Variants in ACSBG1 observed in about 807,000 individuals in gnomAD.
ACSBG1 encodes acyl-CoA synthetase bubblegum family member 1.
In ACSBG1, 39 loss-of-function variants were observed where a neutral mutation model predicts 80.2. The ratio of observed to expected loss-of-function variants is 0.49; its 90% confidence interval spans 0.38 to 0.64. ACSBG1 has a LOEUF of 0.64. Among genes scored for constraint, ACSBG1 ranks in the 30% least tolerant of loss-of-function variants. The pLI is 0.00. For missense variants in ACSBG1, 828 were observed against 966.4 expected (o/e 0.86, Z 1.90); for synonymous variants, 392 against 379.5 (o/e 1.03, Z -0.38).
chr15:78,187,996 T>C (rs1218307163), intron 5 of ACSBG1, among the ~76,000 whole-genome samples: 1 of 152,122 alleles, frequency 6.6e-6, no homozygotes, highest in Non-Finnish European at 1.5e-5. Flanking sequence ...ACAAAATCAA[T>C]GTACAAAAAT....
At chr15:78,203,873 C>G (rs915101255) in intron 2 of ACSBG1, among the ~76,000 whole-genome samples, 1 of 152,162 alleles carries the variant, frequency 6.6e-6, no homozygotes, top group Non-Finnish European at 1.5e-5. Context: ...ACCCCAGAGG[C>G]CCTCCTCCAA....
In ACSBG1 at chr15:78,179,676, G is replaced by A; in HGVS notation, c.1358C>T (p.Ala453Val). 1 of 1,614,200 alleles carries A rather than the reference G, an allele frequency of 6.2e-7. No homozygotes were observed. The highest frequency in any genetic ancestry group is 8.5e-7 in the Non-Finnish European group (1 of 1,180,036). The change falls in exon 10 of 14, where the codon GCC becomes GTC. Residue 453 changes from alanine to valine, a missense_variant. By Grantham distance (64) the Ala-to-Val change is moderately conservative. This residue lies in a region of ACSBG1 where 271 missense variants were observed against 375.9 expected (regional missense o/e 0.72). Coordinates refer to ENST00000258873, the MANE Select transcript of ACSBG1 (RefSeq NM_015162.5). The stretch of plus-strand genomic sequence containing the variant: ...GTGCTGTGTCTCTGCCATCATGGGG[G>A]CCGCTCCATAGAAGTTCTTTTGACA... ...AKCQKNFYGAAPMMAETQHFF... is the reference protein window; with the variant it reads ...AKCQKNFYGAVPMMAETQHFF...
At chr15:78,173,932 G>A in intron 12 of ACSBG1, 93 bp from the exon 13 acceptor site, 9 of 1,423,324 alleles carry the variant, frequency 6.3e-6, no homozygotes, top group African/African-American at 1.4e-5. Context: ...CGGCAAGGGT[G>A]TGAATCATGT....
chr15:78,207,352 C>T (rs1342999417), intron 2 of ACSBG1, among the ~76,000 whole-genome samples: 1 of 152,306 alleles, frequency 6.6e-6, no homozygotes, highest in Middle Eastern at 3.4e-3. Flanking sequence ...GCAGCAGTGA[C>T]CCTCTGTGCT....
chr15:78,168,912 CT>C lies in ACSBG1; in HGVS notation c.*2531del. 3 of 1,570,822 alleles carry C rather than the reference CT, an allele frequency of 1.9e-6. No individual in the cohort carries two copies. Among genetic ancestry groups the C allele is most frequent in the South Asian group, 1.1e-5 (1 of 87,586 alleles). ...ATACATCTTTTATTTTTGCTTTTTC[CT>C]TTTCTCAGAGCTTGACAAAAGATTT... On this transcript the variant is annotated 3_prime_UTR_variant, in exon 14 of 14. Transcript: ENST00000258873.
intron 1 of ACSBG1, chr15:78,213,430 T>A (rs1209835430): frequency 6.6e-6 from 1 of 152,374 alleles, no homozygotes; most frequent in Non-Finnish European, 1.5e-5. Context: ...CCCAGGGTGC[T>A]CACCTTCCTC....
At position 78,178,949 on chromosome 15, in the gene ACSBG1, AG is replaced by A. The variant is rs2074912673; in HGVS notation, c.1485-119del. 4 of 1,047,308 alleles carry A rather than the reference AG, an allele frequency of 3.8e-6. No individual in the cohort carries two copies. Among genetic ancestry groups the A allele is most frequent in the Non-Finnish European group, 5.4e-6 (4 of 743,840 alleles). The allele number at this position is 1,047,308 out of a possible 1,614,324, so 64.9% of individuals were successfully genotyped here. A position where few individuals can be genotyped will look rare whatever the true frequency, so the allele number is the denominator to read the frequency against. ...TGATTGCTAGAAGGTATCCCCTCAC[AG>A]GGCTTTTGTATTTTTACAGGGGACT... On this transcript the variant is annotated intron_variant, in intron 10 of 13. Transcript: ENST00000258873. The surrounding 1 kb of genome is among the most constrained non-coding windows in gnomAD (Gnocchi z 4.3).
chr15:78,182,175 T>C (rs6495277), intron 7 of ACSBG1, 30 bp from the exon 8 acceptor site: 1,327,946 of 1,595,648 alleles, frequency 0.83, 553,885 homozygotes, highest in African/African-American at 0.92. Context: ...ATCCCAGCAG[T>C]GTCCACAAGC....
At chr15:78,229,704 C>A (rs1053618753) in intron 1 of ACSBG1, among the ~76,000 whole-genome samples, 1 of 152,124 alleles carries the variant, frequency 6.6e-6, no homozygotes. Context: ...TTGGAGCTCC[C>A]AAGTCCTGGC....
intron 11 of ACSBG1, among the ~76,000 whole-genome samples, chr15:78,176,703 T>C (rs2074886070): frequency 1.3e-5 from 2 of 152,170 alleles, no homozygotes; most frequent in Admixed American, 6.5e-5. Context: ...GGCAGGAGGA[T>C]GGCTTGAGCT....
At chr15:78,179,323 A>T (rs1244969220) in intron 10 of ACSBG1, among the ~76,000 whole-genome samples, 1 of 152,028 alleles carries the variant, frequency 6.6e-6, no homozygotes, top group Non-Finnish European at 1.5e-5. Flanking sequence ...TCAACCACAG[A>T]CTCACGACAC....
At chr15:78,210,132 C>G (rs1006894765) in intron 1 of ACSBG1, among the ~76,000 whole-genome samples, 2 of 152,156 alleles carry the variant, frequency 1.3e-5, no homozygotes, top group Non-Finnish European at 2.9e-5. Context: ...AGGGGCAGCA[C>G]CCAGTGCAGT....
rs562940492 is a variant in ACSBG1 at position 78,182,379 on chromosome 15, TCCCAGGGGCTACTGGGGCAGAGCCATGG to T, written c.894+59_894+86del. On this transcript the variant is annotated intron_variant, in intron 7 of 13. Transcript: ENST00000258873. ...TAGAGCAGAGGGGCCCAAGGAGCTTTCCCAGGGGCTACTGGGGCAGAGCCATGGCCCAGATCCACCCATAACCCCCTTG... is the reference window on the plus strand; with the variant it reads ...TAGAGCAGAGGGGCCCAAGGAGCTTTCCCAGATCCACCCATAACCCCCTTG... 2.9e-5 allele frequency: 44 copies of T among 1,542,872 alleles called. No individual in the cohort carries two copies. In the African/African-American group the frequency reaches 5.3e-4, roughly 19 times the overall value.
At chr15:78,229,061 T>C (rs901252615) in intron 1 of ACSBG1, among the ~76,000 whole-genome samples, 6 of 125,020 alleles carry the variant, frequency 4.8e-5, no homozygotes, top group African/African-American at 1.8e-4. Flanking sequence ...TTCAGTGGCA[T>C]TGATTATATT....
Position 78,178,886 on chromosome 15 carries a change from C to G in ACSBG1, c.1485-55G>C. ...AGAGGGAGCCGTCTCCTCCAAGCCC[C>G]CACTGGGGAGCCGGGGTCCCAACTG... On this transcript the variant is annotated intron_variant, in intron 10 of 13. Coordinates refer to ENST00000258873, the MANE Select transcript of ACSBG1 (RefSeq NM_015162.5). This position sits in a 1 kb window ranked among gnomAD's most constrained non-coding sequence, Gnocchi z 4.3. 1 of 1,529,546 alleles carries G rather than the reference C, an allele frequency of 6.5e-7. No individual in the cohort carries two copies. Among genetic ancestry groups the G allele is most frequent in the Non-Finnish European group, 8.8e-7 (1 of 1,139,632 alleles). 94.7% of individuals were successfully genotyped at this position (1,529,546 alleles called of 1,614,324 possible). A position where few individuals can be genotyped will look rare whatever the true frequency, so the allele number is the denominator to read the frequency against.
At chr15:78,180,983 G>A (rs374067302) in intron 8 of ACSBG1, 47 bp from the exon 9 acceptor site, 8 of 1,586,864 alleles carry the variant, frequency 5.0e-6, no homozygotes, top group African/African-American at 2.7e-5. Flanking sequence ...GGGCATCTGG[G>A]GCCCAGGGGT....
intron 8 of ACSBG1, chr15:78,181,182 A>C: frequency 2.0e-6 from 1 of 505,500 alleles, no homozygotes. Flanking sequence ...AGCCCTGAGC[A>C]TGGCAACTCT....
intron 1 of ACSBG1, among the ~76,000 whole-genome samples, chr15:78,222,649 G>A (rs998734907): frequency 7.9e-5 from 12 of 152,134 alleles, no homozygotes; most frequent in African/African-American, 1.7e-4. Flanking sequence ...AGATCCTGTC[G>A]CAAAATAATA....
At chr15:78,231,625 C>G (rs1414236230) in intron 1 of ACSBG1, among the ~76,000 whole-genome samples, 1 of 151,978 alleles carries the variant, frequency 6.6e-6, no homozygotes, top group African/African-American at 2.4e-5. Flanking sequence ...CAGAGTCTTG[C>G]CCTGTAGTCC....
Sources: gnomAD v4.1 joint callset for allele counts (sites outside exome capture counted in the v4.1 genomes callset) on GRCh38, gnomAD v4.1.1 for gene constraint, gnomAD v4.1.1 regional missense constraint, Gnocchi (gnomAD v3.1) non-coding constraint, MANE v1.5 for transcripts, NCBI Gene and HGNC (gene_info 2026-07-23, HGNC 2026-07-21) for gene names.